Variants in RAD54B observed in about 807,000 individuals in gnomAD.
RAD54B encodes the protein RAD54 homolog B.
A neutral mutation model predicts 95.8 loss-of-function variants in RAD54B; 78 were observed. The observed-to-expected ratio is 0.81, with a 90% confidence interval of 0.68 to 0.98. RAD54B has a LOEUF of 0.98. Among genes scored for constraint, RAD54B ranks in the 50% least tolerant of loss-of-function variants. The pLI, the probability that RAD54B is intolerant of heterozygous loss-of-function variation, is 0.00. For synonymous variants in RAD54B, 328 were observed against 354.9 expected (o/e 0.92, Z 0.85); for missense variants, 957 against 1,056.6 (o/e 0.91, Z 1.31).
rs764122781 is a variant in RAD54B at position 94,404,086 on chromosome 8, A to G, written c.935T>C (p.Met312Thr). 6.3e-7 allele frequency: 1 copy of G among 1,598,662 alleles called. No homozygotes were observed. The highest frequency in any genetic ancestry group is 8.5e-7 in the Non-Finnish European group (1 of 1,172,884). ...EGIIFLYECV[M>T]GMRMNGRCGA... ...TGATTTATTTTCCTACCTCATTCCC[A>G]TTACACATTCATAAAGGAATATGAT... The change falls in exon 6 of 15, where the codon ATG becomes ACG. Residue 312 changes from methionine (M) to threonine (T), a missense_variant. Physicochemically the swap from Met to Thr is moderately conservative, Grantham distance 81 (BLOSUM62 -1). Transcript: ENST00000336148.
intron 4 of RAD54B, among the ~76,000 whole-genome samples, chr8:94,409,511 C>T (rs1214950948): frequency 6.6e-6 from 1 of 151,932 alleles, no homozygotes; most frequent in Non-Finnish European, 1.5e-5. Context: ...GTTAGAGTTA[C>T]AGATGCATGC....
In RAD54B at chr8:94,380,187, T is replaced by G. The variant is rs887209060; in HGVS notation, c.2205A>C (p.Leu735Phe). The change falls in exon 12 of 15, where the codon TTA becomes TTC. Residue 735 changes from leucine to phenylalanine, a missense_variant. By Grantham distance (22) the Leu-to-Phe change is conservative (BLOSUM62 0). Transcript: ENST00000336148. Reference protein sequence around the residue: ...VGLNLIGGSHLILYDIDWNPA... With the variant: ...VGLNLIGGSHFILYDIDWNPA... ...GATTCCAATCAATGTCATAGAGAAT[T>G]AAGTGAGATCCTCCAATGAGGTTAA... The G allele has an allele frequency of 2.5e-6, 4 of 1,613,038 alleles. No individual in the cohort carries two copies. Among genetic ancestry groups the G allele is most frequent in the Non-Finnish European group, 1.7e-6 (2 of 1,179,376 alleles).
intron 11 of RAD54B, 113 bp from the exon 12 acceptor site, chr8:94,380,519 C>T: frequency 9.4e-7 from 1 of 1,065,332 alleles, no homozygotes; most frequent in Non-Finnish European, 1.3e-6. Context: ...GAACATGCAA[C>T]AATGACCTTG....
intron 4 of RAD54B, among the ~76,000 whole-genome samples, chr8:94,407,948 A>G: frequency 6.6e-6 from 1 of 152,172 alleles, no homozygotes; most frequent in East Asian, 1.9e-4. Context: ...TTTTTTTACT[A>G]TTGAAAATAT....
chr8:94,377,115 T>A (rs1345917535), intron 14 of RAD54B, among the ~76,000 whole-genome samples: 1 of 152,204 alleles, frequency 6.6e-6, no homozygotes, highest in East Asian at 1.9e-4. Context: ...TACTGAGAAG[T>A]ATGGTGACCT....
At chr8:94,384,640 A>C (rs1203582884) in intron 11 of RAD54B, among the ~76,000 whole-genome samples, 1 of 152,252 alleles carries the variant, frequency 6.6e-6, no homozygotes, top group South Asian at 2.1e-4. Context: ...TATACATAAA[A>C]AAATGGTTAA....
chr8:94,430,639 C>T (rs781446085), intron 3 of RAD54B: 11 of 642,608 alleles, frequency 1.7e-5, no homozygotes, highest in Non-Finnish European at 2.1e-5. Flanking sequence ...CATTGGTCTA[C>T]TCCAAAGGCC....
intron 3 of RAD54B, among the ~76,000 whole-genome samples, chr8:94,424,618 C>T (rs1468432412): frequency 1.3e-5 from 2 of 152,044 alleles, no homozygotes; most frequent in African/African-American, 4.8e-5. Flanking sequence ...TTGCTATGTC[C>T]CAGAATAACC....
At chr8:94,403,349 T>G (rs1200389186) in intron 6 of RAD54B, among the ~76,000 whole-genome samples, 1 of 152,176 alleles carries the variant, frequency 6.6e-6, no homozygotes, top group Non-Finnish European at 1.5e-5. Flanking sequence ...CTTTTTTCTA[T>G]TTTCAGATGT....
rs765216364 is a variant in RAD54B, at chr8:94,378,581, T to C, written c.2301A>G (p.Arg767=). 1.9e-6 allele frequency: 3 copies of C among 1,606,520 alleles called. No individual in the cohort carries two copies. The highest frequency in any genetic ancestry group is 1.7e-6 in the Non-Finnish European group (2 of 1,176,008). ...AAGGGTTGTTACCTGTAGTTAGGAG[T>C]CTGTAAATATGTACAGGATATTTCT... ...DGQKYPVHIY[R]LLTTGTIEEK... The change falls in exon 13 of 15, where the codon AGA becomes AGG. Residue 767 remains arginine, a synonymous_variant. Coordinates refer to ENST00000336148, the MANE Select transcript of RAD54B (RefSeq NM_012415.3).
At chr8:94,412,462 A>C (rs755841771) in intron 3 of RAD54B, among the ~76,000 whole-genome samples, 37 of 152,094 alleles carry the variant, frequency 2.4e-4, no homozygotes, top group Non-Finnish European at 5.0e-4. Flanking sequence ...TAAAACAGCA[A>C]AGTAGAAATG....
chr8:94,431,037 CA>C, intron 3 of RAD54B: 1 of 985,388 alleles, frequency 1.0e-6, no homozygotes, highest in Non-Finnish European at 1.2e-6. Flanking sequence ...ACACCCACCC[CA>C]TTCTACAACT....
In RAD54B at chr8:94,400,475, A is replaced by G. The variant is rs1163889511; in HGVS notation, c.945-12T>C. The G allele has an allele frequency of 6.3e-7, 1 of 1,584,590 alleles. No individual in the cohort carries two copies. The highest frequency in any genetic ancestry group is 2.3e-5 in the East Asian group (1 of 44,286). The stretch of plus-strand genomic sequence containing the variant: ...ATCTGCCATTCATTCTGTTAGAAAT[A>G]ATTTTACTTCCTTTAATCACAATAG... On this transcript the variant is annotated splice_polypyrimidine_tract_variant and intron_variant, in intron 6 of 14. Transcript: ENST00000336148.
In RAD54B at chr8:94,467,402, TACCTCA is replaced by T; in HGVS notation, c.132_135+2del. 6.2e-7 allele frequency: 1 copy of T among 1,602,938 alleles called. No homozygotes were observed. Among genetic ancestry groups the T allele is most frequent in the Non-Finnish European group, 8.5e-7 (1 of 1,174,304 alleles). ...CTATATCATGAGTCTTTTTTTGCCTTACCTCAAATAATTTTATATCTGGATTCAGTT... is the reference window on the plus strand; with the variant it reads ...CTATATCATGAGTCTTTTTTTGCCTTAATAATTTTATATCTGGATTCAGTT... On this transcript the variant is annotated splice_donor_variant and coding_sequence_variant, in exon 2 of 15. Transcript: ENST00000336148. LOFTEE classifies it high-confidence loss of function.
chr8:94,434,915 T>C (rs1812214658), intron 3 of RAD54B, among the ~76,000 whole-genome samples: 2 of 151,500 alleles, frequency 1.3e-5, no homozygotes, highest in South Asian at 4.2e-4. Flanking sequence ...TTGTAAATAT[T>C]CACACACACA....
intron 9 of RAD54B, among the ~76,000 whole-genome samples, chr8:94,392,844 T>G (rs1173451210): frequency 7.6e-6 from 1 of 131,920 alleles, no homozygotes; most frequent in African/African-American, 3.2e-5. Flanking sequence ...TTTAGTTTTG[T>G]TTTTTTTTTT....
intron 3 of RAD54B, among the ~76,000 whole-genome samples, chr8:94,439,511 A>G (rs1480418125): frequency 6.6e-6 from 1 of 152,208 alleles, no homozygotes; most frequent in African/African-American, 2.4e-5. Context: ...TCTGAGCCAA[A>G]TATGAGTGAC....
rs550979531 is a variant in RAD54B at position 94,446,968 on chromosome 8, A to G, written c.304+11300T>C. ...AATCACAATGCAACATGAGAGGAAG[A>G]TAAGACTTAAAAAAAAAAAAATCTG... On this transcript the variant is annotated intron_variant, in intron 3 of 14. Transcript: ENST00000336148. 3.6e-5 allele frequency among the ~76,000 whole-genome samples: 4 copies of G among 110,714 alleles called. No homozygotes were observed. In the East Asian group the frequency reaches 1.7e-3, roughly 48 times the overall value. The allele number at this position is 110,714 out of a possible 152,430, so 72.6% of individuals were successfully genotyped here.
At chr8:94,454,073 G>C (rs1812726113) in intron 3 of RAD54B, among the ~76,000 whole-genome samples, 1 of 151,898 alleles carries the variant, frequency 6.6e-6, no homozygotes, top group Admixed American at 6.6e-5. Context: ...TTACAGACGT[G>C]AGCCACCATG....
Sources: allele counts gnomAD v4.1 joint callset (sites outside exome capture counted in the v4.1 genomes callset), GRCh38; gene constraint gnomAD v4.1.1; transcripts MANE v1.5; gene names NCBI Gene and HGNC (gene_info 2026-07-23, HGNC 2026-07-21).